The following CDC42BPA variants were observed in gnomAD, a reference collection of about 807,000 sequenced individuals.
CDC42BPA encodes the protein serine/threonine-protein kinase MRCK alpha.
A neutral mutation model predicts 223.5 loss-of-function variants in CDC42BPA; 80 were observed. That is an observed-to-expected ratio of 0.36 (90% CI 0.30 to 0.43). The LOEUF (loss-of-function observed/expected upper bound fraction) is 0.43. CDC42BPA is among the 20% of genes least tolerant of loss of function. CDC42BPA has a pLI of 1.00. For missense variants in CDC42BPA, 1,743 were observed against 2,099.9 expected, an observed-to-expected ratio of 0.83 and a Z score of 3.32; for synonymous variants, 694 against 718.6, an observed-to-expected ratio of 0.97 and a Z score of 0.55.
intron 5 of CDC42BPA, among the ~76,000 whole-genome samples, chr1:227,191,686 T>C (rs1669729507): frequency 1.2e-5 from 1 of 80,170 alleles, no homozygotes; most frequent in African/African-American, 4.0e-5. Context: ...ATTCTTCAAA[T>C]ATTCAACGAA....
At chr1:227,185,240 A>C (rs1231548651) in intron 5 of CDC42BPA, among the ~76,000 whole-genome samples, 3 of 152,158 alleles carry the variant, frequency 2.0e-5, no homozygotes, top group Non-Finnish European at 4.4e-5. Context: ...GCACATAGGA[A>C]AAAAAGGGGT....
chr1:227,241,566 G>C (rs148554307), intron 2 of CDC42BPA, among the ~76,000 whole-genome samples: 1 of 152,088 alleles, frequency 6.6e-6, no homozygotes, highest in African/African-American at 2.4e-5. Context: ...GTGAAAGGTG[G>C]ACACAAAAGA....
chr1:227,007,994 T>C (rs1664426554), intron 34 of CDC42BPA, among the ~76,000 whole-genome samples: 1 of 152,220 alleles, frequency 6.6e-6, no homozygotes, highest in Admixed American at 6.5e-5. Context: ...CCTCAGCTTT[T>C]GGGCTGACAG....
Position 227,318,325 on chromosome 1 carries a change from G to C in CDC42BPA, c.-1143C>G, listed in dbSNP as rs1258192639. On this transcript the variant is annotated 5_prime_UTR_variant, in exon 1 of 37. Transcript: ENST00000366766. ...AGGAGGAGGGGTCGCTTCCGCGGCT[G>C]AGGAGACTAGAGGCTGCGGCAGCCC... 1 of 152,528 alleles carries C rather than the reference G, an allele frequency of 6.6e-6. No individual in the cohort carries two copies. Among genetic ancestry groups the C allele is most frequent in the Non-Finnish European group, 1.5e-5 (1 of 68,462 alleles). 9.4% of individuals were successfully genotyped at this position (152,528 alleles called of 1,614,324 possible). A position where few individuals can be genotyped will look rare whatever the true frequency, so the allele number is the denominator to read the frequency against.
chr1:227,214,759 T>G (rs1193936136), intron 2 of CDC42BPA, among the ~76,000 whole-genome samples: 2 of 152,148 alleles, frequency 1.3e-5, no homozygotes, highest in African/African-American at 4.8e-5. Flanking sequence ...GTGAGAAAAG[T>G]ACTAACAGTA....
At chr1:227,260,605 G>C (rs1266247865) in intron 1 of CDC42BPA, among the ~76,000 whole-genome samples, 1 of 151,186 alleles carries the variant, frequency 6.6e-6, no homozygotes, top group Non-Finnish European at 1.5e-5. Context: ...AGAGGCATAA[G>C]TGAGAAGAAA....
At chr1:227,121,385 C>A (rs778483578) in intron 11 of CDC42BPA, among the ~76,000 whole-genome samples, 3 of 151,948 alleles carry the variant, frequency 2.0e-5, no homozygotes, top group Non-Finnish European at 2.9e-5. Context: ...GTAGATGAAT[C>A]CTGGAGTCTA....
In CDC42BPA at chr1:227,230,812, C is replaced by CTTTTTTTTTTTTTTTTTTTTT. The variant is rs1309498246; in HGVS notation, c.271-17594_271-17593insAAAAAAAAAAAAAAAAAAAAA. Among the ~76,000 whole-genome samples, 6 of 111,756 alleles carry CTTTTTTTTTTTTTTTTTTTTT rather than the reference C, an allele frequency of 5.4e-5. 1 individual carries two copies. The highest frequency in any genetic ancestry group is 9.5e-5 in the African/African-American group (3 of 31,718). 73.3% of individuals were successfully genotyped at this position (111,756 alleles called of 152,430 possible). A position where few individuals can be genotyped will look rare whatever the true frequency, so the allele number is the denominator to read the frequency against. On this transcript the variant is annotated intron_variant, in intron 2 of 36. Coordinates refer to ENST00000366766, the MANE Select transcript of CDC42BPA (RefSeq NM_001394014.1). The stretch of plus-strand genomic sequence containing the variant: ...GCTAACTGATTTCTATTTCTTTTTT[C>CTTTTTTTTTTTTTTTTTTTTT]TTTCTTTCTTTTTTTTTTTTTTTTT...
chr1:227,121,980 T>C (rs1195043200), intron 11 of CDC42BPA, among the ~76,000 whole-genome samples: 3 of 152,150 alleles, frequency 2.0e-5, no homozygotes, highest in Admixed American at 6.5e-5. Flanking sequence ...CTTGTATTTT[T>C]AGTAGAGATG....
chr1:227,255,098 G>T (rs963102855), intron 1 of CDC42BPA, among the ~76,000 whole-genome samples: 5 of 152,194 alleles, frequency 3.3e-5, no homozygotes, highest in African/African-American at 1.2e-4. Flanking sequence ...AATTAAAAAT[G>T]TTTAATGATT....
At chr1:227,275,133 C>T (rs765636377) in intron 1 of CDC42BPA, among the ~76,000 whole-genome samples, 12 of 151,886 alleles carry the variant, frequency 7.9e-5, no homozygotes, top group Non-Finnish European at 1.5e-4. Flanking sequence ...ATCTTAAATA[C>T]TGGAGTATGA....
At chr1:227,143,048 TAAG>T in intron 8 of CDC42BPA, 24 bp from the exon 9 acceptor site, 1 of 1,447,510 alleles carries the variant, frequency 6.9e-7, no homozygotes, top group Non-Finnish European at 9.2e-7. Context: ...AAACATCTGG[TAAG>T]AAATAGATAG....
At chr1:227,016,529 T>C (rs1242215563) in intron 33 of CDC42BPA, among the ~76,000 whole-genome samples, 1 of 152,190 alleles carries the variant, frequency 6.6e-6, no homozygotes, top group South Asian at 2.1e-4. Context: ...CGGTCTTATA[T>C]ATAACTGTAA....
intron 8 of CDC42BPA, among the ~76,000 whole-genome samples, chr1:227,143,275 T>C (rs1660036293): frequency 1.3e-5 from 2 of 152,222 alleles, no homozygotes; most frequent in African/African-American, 4.8e-5. Context: ...TTATTATTCA[T>C]GTATTCTGTA....
chr1:227,256,988 C>CACACACACA (rs1253231876), intron 1 of CDC42BPA, among the ~76,000 whole-genome samples: 1 of 147,918 alleles, frequency 6.8e-6, no homozygotes, highest in Non-Finnish European at 1.5e-5. Context: ...CACACACACA[C>CACACACACA]ACCAGTATGT....
intron 2 of CDC42BPA, among the ~76,000 whole-genome samples, chr1:227,228,074 G>A (rs76398027): frequency 0.097 from 14,806 of 152,074 alleles, 860 homozygotes; most frequent in Middle Eastern, 0.17. Context: ...GAGAACACAT[G>A]GACTCAGGGA....
At chr1:227,133,148 G>A (rs181939093) in intron 10 of CDC42BPA, among the ~76,000 whole-genome samples, 2,063 of 148,700 alleles carry the variant, frequency 0.014, 57 homozygotes, top group Non-Finnish European at 0.02. Context: ...ACCTCTGCCC[G>A]GCCACCCCTA....
chr1:227,200,441 C>CA (rs1377118005), intron 3 of CDC42BPA, among the ~76,000 whole-genome samples: 580 of 15,880 alleles, frequency 0.037, 3 homozygotes, highest in African/African-American at 0.12. Flanking sequence ...AAAAAACAAA[C>CA]AAACAAAAAA....
At chr1:227,059,292 A>G (rs764965724) in intron 21 of CDC42BPA, 182 of 1,130,774 alleles carry the variant, frequency 1.6e-4, no homozygotes, top group Non-Finnish European at 2.4e-4. Context: ...AAACATTAAC[A>G]GGTTCCGCAA....
Sources: allele counts gnomAD v4.1 joint callset (sites outside exome capture counted in the v4.1 genomes callset), GRCh38; gene constraint gnomAD v4.1.1; transcripts MANE v1.5; gene names NCBI Gene and HGNC (gene_info 2026-07-23, HGNC 2026-07-21).